Variants in CRYBG1 observed in about 807,000 individuals in gnomAD.
The protein encoded by CRYBG1 is crystallin beta-gamma domain containing 1.
CRYBG1 carries 139 observed loss-of-function variants against 189.2 expected under a neutral mutation model. The observed-to-expected ratio is 0.73, with a 90% CI of 0.64 to 0.85. The LOEUF (loss-of-function observed/expected upper bound fraction) is 0.85. CRYBG1 is among the 40% of genes least tolerant of loss of function. CRYBG1 has a pLI of 0.00. For synonymous variants in CRYBG1, 1,023 were observed against 1,017.1 expected (o/e 1.01, Z -0.11); for missense variants, 2,611 against 2,675.8 (o/e 0.98, Z 0.53).
chr6:106,537,372 C>A (rs1774028793), intron 8 of CRYBG1, among the ~76,000 whole-genome samples: 1 of 152,168 alleles, frequency 6.6e-6, no homozygotes, highest in Non-Finnish European at 1.5e-5. Flanking sequence ...TAATGTGTTA[C>A]AGAACTGCCA....
intron 1 of CRYBG1, among the ~76,000 whole-genome samples, chr6:106,412,584 G>A (rs114975499): frequency 0.012 from 1,839 of 152,286 alleles, 24 homozygotes; most frequent in African/African-American, 0.042. Flanking sequence ...TGGTGTGCTT[G>A]TCATTGTTGC....
intron 2 of CRYBG1, among the ~76,000 whole-genome samples, chr6:106,494,466 G>A (rs1293918577): frequency 6.6e-6 from 1 of 152,142 alleles, no homozygotes; most frequent in Admixed American, 6.5e-5. Flanking sequence ...GCTGACATGA[G>A]CCAGCAGATG....
rs1243544282 is a variant in CRYBG1 at position 106,512,971 on chromosome 6, C to T, written c.1854C>T (p.Asp618=). 1 of 1,611,180 alleles carries T rather than the reference C, an allele frequency of 6.2e-7. No homozygotes were observed. The highest frequency in any genetic ancestry group is 8.5e-7 in the Non-Finnish European group (1 of 1,179,516). ...CGGCCGGAGCGCCTGGAGCTTCTGA[C>T]GCCGACGGCTTGAAGCCCAGGAACC... ...GRAAGAPGAS[D]ADGLKPRNHF... Residue 618 remains aspartate, a synonymous_variant, in exon 3 of 22, where the codon GAC becomes GAT. Transcript: ENST00000633556.
chr6:106,421,447 T>C (rs1211059535), intron 1 of CRYBG1, among the ~76,000 whole-genome samples: 1 of 152,124 alleles, frequency 6.6e-6, no homozygotes, highest in Non-Finnish European at 1.5e-5. Flanking sequence ...CCATAGTGTT[T>C]TATATATGTT....
intron 2 of CRYBG1, among the ~76,000 whole-genome samples, chr6:106,496,799 C>T (rs574994155): frequency 7.5e-4 from 114 of 152,264 alleles, no homozygotes; most frequent in African/African-American, 2.7e-3. Flanking sequence ...GCAAGTGCTG[C>T]AGGTACTAAC....
In CRYBG1 at chr6:106,416,764, G is replaced by A. The variant is rs140914875; in HGVS notation, c.174-34930G>A. Among the ~76,000 whole-genome samples, 371 of 152,276 alleles carry A rather than the reference G, an allele frequency of 2.4e-3. 4 individuals are homozygous for A. Among genetic ancestry groups the A allele is most frequent in the African/African-American group, 8.6e-3 (357 of 41,544 alleles). On this transcript the variant is annotated intron_variant, in intron 1 of 21. Transcript: ENST00000633556. Reference sequence around the variant, plus strand: ...GTAGTATTCATTATACACATTGTGTGTTTGTTGACATAAAAGACACTTGTG... The same window carrying A: ...GTAGTATTCATTATACACATTGTGTATTTGTTGACATAAAAGACACTTGTG...
intron 2 of CRYBG1, among the ~76,000 whole-genome samples, chr6:106,478,636 C>T (rs1772382850): frequency 6.6e-6 from 1 of 152,176 alleles, no homozygotes; most frequent in South Asian, 2.1e-4. Flanking sequence ...TCAGGGGCCC[C>T]CGACCCCTGG....
At chr6:106,494,682 T>C (rs1305629105) in intron 2 of CRYBG1, among the ~76,000 whole-genome samples, 1 of 152,240 alleles carries the variant, frequency 6.6e-6, no homozygotes, top group Non-Finnish European at 1.5e-5. Context: ...TATGATAACT[T>C]ATAATTATCT....
intron 1 of CRYBG1, among the ~76,000 whole-genome samples, chr6:106,400,329 A>C (rs9384607): frequency 0.24 from 36,941 of 152,112 alleles, 5,547 homozygotes; most frequent in East Asian, 0.39. Flanking sequence ...TCACTTGCAC[A>C]TATAATGATA....
At chr6:106,371,295 T>C (rs1300587198) in intron 1 of CRYBG1, among the ~76,000 whole-genome samples, 1 of 152,260 alleles carries the variant, frequency 6.6e-6, no homozygotes, top group Admixed American at 6.5e-5. Context: ...AAAGGTATGA[T>C]AGTTGAAGCA....
At chr6:106,366,213 T>C (rs1259206148) in intron 1 of CRYBG1, among the ~76,000 whole-genome samples, 1 of 152,214 alleles carries the variant, frequency 6.6e-6, no homozygotes, top group Non-Finnish European at 1.5e-5. Context: ...CAGGTTTAAT[T>C]ATTTTCTAGC....
At chr6:106,424,913 C>A (rs1319973880) in intron 1 of CRYBG1, among the ~76,000 whole-genome samples, 1 of 152,172 alleles carries the variant, frequency 6.6e-6, no homozygotes, top group African/African-American at 2.4e-5. Flanking sequence ...CCCTCAAGTC[C>A]TTCCACTGTG....
intron 1 of CRYBG1, among the ~76,000 whole-genome samples, chr6:106,379,702 G>C: frequency 6.6e-6 from 1 of 152,042 alleles, no homozygotes; most frequent in East Asian, 1.9e-4. Flanking sequence ...GGGACTACAG[G>C]TGTGCACCAC....
In CRYBG1 at chr6:106,370,968, G is replaced by A. The variant is rs375106974; in HGVS notation, c.173+9887G>A. 7.8e-4 allele frequency among the ~76,000 whole-genome samples: 118 copies of A among 151,996 alleles called. 1 individual carries two copies. The South Asian group carries it at 0.024, about 31-fold the overall frequency. On this transcript the variant is annotated intron_variant, in intron 1 of 21. Transcript: ENST00000633556. The stretch of plus-strand genomic sequence containing the variant: ...TTATTGACATACTGGATAATTTCTG[G>A]GTTTCTACTATAATTAGTACCTCAC...
chr6:106,560,957 A>G (rs754928234), intron 19 of CRYBG1, 31 bp downstream of exon 19: 20 of 1,532,106 alleles, frequency 1.3e-5, no homozygotes, highest in Non-Finnish European at 1.8e-5. Context: ...CTCTGCATAG[A>G]CTCTTCTCTG....
intron 1 of CRYBG1, among the ~76,000 whole-genome samples, chr6:106,402,200 A>G (rs545496799): frequency 7.8e-4 from 91 of 117,152 alleles, no homozygotes; most frequent in African/African-American, 3.0e-3. Flanking sequence ...AAGAATCAAT[A>G]TCGTGAAAAT....
At chr6:106,386,693 T>C (rs1213871239) in intron 1 of CRYBG1, among the ~76,000 whole-genome samples, 1 of 152,170 alleles carries the variant, frequency 6.6e-6, no homozygotes, top group Non-Finnish European at 1.5e-5. Context: ...GTCACACTCC[T>C]ATGAGAATCG....
chr6:106,462,739 G>T (rs1772038538), intron 2 of CRYBG1, among the ~76,000 whole-genome samples: 1 of 152,216 alleles, frequency 6.6e-6, no homozygotes, highest in Admixed American at 6.5e-5. Context: ...TTAAGATTCT[G>T]CATCAACAGC....
At chr6:106,466,335 C>A (rs749228004) in intron 2 of CRYBG1, among the ~76,000 whole-genome samples, 4 of 152,190 alleles carry the variant, frequency 2.6e-5, no homozygotes, top group Admixed American at 6.5e-5. Context: ...GATTCAAGTA[C>A]CCATGTGCTC....
Sources: allele counts gnomAD v4.1 joint callset (sites outside exome capture counted in the v4.1 genomes callset), GRCh38; gene constraint gnomAD v4.1.1; transcripts MANE v1.5; gene names NCBI Gene and HGNC (gene_info 2026-07-23, HGNC 2026-07-21).